The following SLC22A23 variants were observed in gnomAD, a reference collection of about 807,000 sequenced individuals.
SLC22A23 encodes ion transporter protein.
A neutral mutation model predicts 61.0 loss-of-function variants in SLC22A23; 26 were observed. The observed-to-expected ratio is 0.43, with a 90% confidence interval of 0.31 to 0.59. SLC22A23 has a LOEUF of 0.59. SLC22A23 is among the 20% of genes least tolerant of loss of function. The pLI is 0.11. For missense variants in SLC22A23, 796 were observed against 934.7 expected (o/e 0.85, Z 1.94); for synonymous variants, 430 against 413.9 (o/e 1.04, Z -0.47).
At chr6:3,280,551 A>G (rs1278141929) in intron 9 of SLC22A23, among the ~76,000 whole-genome samples, 1 of 132,348 alleles carries the variant, frequency 7.6e-6, no homozygotes, top group African/African-American at 3.0e-5. Flanking sequence ...GCTGGAGTGC[A>G]GTGGCGCGAT....
At chr6:3,275,007 C>T (rs932247557) in intron 9 of SLC22A23, among the ~76,000 whole-genome samples, 4 of 150,178 alleles carry the variant, frequency 2.7e-5, no homozygotes, top group African/African-American at 9.9e-5. Flanking sequence ...TATGGAAATG[C>T]AAAAGACTCA....
chr6:3,412,524 G>A (rs1561963234), intron 2 of SLC22A23, among the ~76,000 whole-genome samples: 1 of 152,152 alleles, frequency 6.6e-6, no homozygotes, highest in African/African-American at 2.4e-5. Flanking sequence ...TGGCTCCCAG[G>A]GCAGAACCCT....
At chr6:3,383,580 G>C (rs1240187144) in intron 3 of SLC22A23, among the ~76,000 whole-genome samples, 1 of 152,230 alleles carries the variant, frequency 6.6e-6, no homozygotes, top group African/African-American at 2.4e-5. Flanking sequence ...ACACGGAGGA[G>C]GGGCCTCTGA....
intron 3 of SLC22A23, among the ~76,000 whole-genome samples, chr6:3,404,274 C>T (rs907253947): frequency 6.6e-6 from 1 of 152,238 alleles, no homozygotes; most frequent in Non-Finnish European, 1.5e-5. Context: ...CCTATCTGTA[C>T]ATTTAGGCAA....
At chr6:3,385,801 C>T (rs1034046392) in intron 3 of SLC22A23, among the ~76,000 whole-genome samples, 3 of 152,198 alleles carry the variant, frequency 2.0e-5, no homozygotes, top group African/African-American at 7.2e-5. Context: ...ATATGAAAAA[C>T]AAAAACTCCC....
Position 3,270,432 on chromosome 6 carries a change from G to A in SLC22A23, c.*2623C>T, listed in dbSNP as rs1309024689. 1 of 152,404 alleles carries A rather than the reference G, an allele frequency of 6.6e-6. No individual in the cohort carries two copies. The highest frequency in any genetic ancestry group is 1.5e-5 in the Non-Finnish European group (1 of 68,078). The allele number at this position is 152,404 out of a possible 1,614,324, so 9.4% of individuals were successfully genotyped here. On this transcript the variant is annotated 3_prime_UTR_variant, in exon 10 of 10. Coordinates refer to ENST00000406686, the MANE Select transcript of SLC22A23 (RefSeq NM_015482.2). The stretch of plus-strand genomic sequence containing the variant: ...CCCACAGGGAAGTGTTGCTGCTCTG[G>A]CAACATTTCATAAAGGTGTTGCTCA...
At chr6:3,409,280 C>T (rs1315903034) in intron 3 of SLC22A23, among the ~76,000 whole-genome samples, 1 of 152,162 alleles carries the variant, frequency 6.6e-6, no homozygotes, top group Non-Finnish European at 1.5e-5. Context: ...TGTGTCTGCT[C>T]CTTCCTGTGA....
intron 5 of SLC22A23, among the ~76,000 whole-genome samples, chr6:3,296,437 G>T (rs998548286): frequency 2.6e-5 from 4 of 152,214 alleles, no homozygotes; most frequent in African/African-American, 9.7e-5. Context: ...GGCAAACGGG[G>T]CTAATTATAG....
At chr6:3,312,889 C>T (rs1039231343) in intron 4 of SLC22A23, 1 of 152,240 alleles carries the variant, frequency 6.6e-6, no homozygotes, top group Non-Finnish European at 1.5e-5. Flanking sequence ...TGCGCTCTGC[C>T]TGTTTGAAAG....
intron 4 of SLC22A23, among the ~76,000 whole-genome samples, chr6:3,303,647 G>C (rs189785294): frequency 6.6e-6 from 1 of 152,178 alleles, no homozygotes; most frequent in African/African-American, 2.4e-5. Context: ...CTCAAAAAAA[G>C]ATGATCTCAT....
chr6:3,398,340 A>G (rs1768147093), intron 3 of SLC22A23, among the ~76,000 whole-genome samples: 2 of 152,174 alleles, frequency 1.3e-5, no homozygotes, highest in South Asian at 4.1e-4. Flanking sequence ...ACTCACACAA[A>G]GCAAATAACA....
chr6:3,352,387 TCACA>T (rs1241799878), intron 3 of SLC22A23, among the ~76,000 whole-genome samples: 5 of 143,520 alleles, frequency 3.5e-5, no homozygotes, highest in African/African-American at 1.3e-4. Context: ...ACAGACACAC[TCACA>T]CACAGACACA....
rs185950974 is a variant in SLC22A23, at chr6:3,395,076, G to A, written c.913+15112C>T. On this transcript the variant is annotated intron_variant, in intron 3 of 9. Coordinates refer to ENST00000406686, the MANE Select transcript of SLC22A23 (RefSeq NM_015482.2). ...GGCTCCGGAAGTGGGCAGGAATATT[G>A]TAGCCATCTCTGGGTGTGTTCTTGG... Among the ~76,000 whole-genome samples, 3 of 152,342 alleles carry A rather than the reference G, an allele frequency of 2.0e-5. No homozygotes were observed. The East Asian group carries it at 5.8e-4, about 29-fold the overall frequency.
At chr6:3,276,109 T>TTGTG (rs112452724) in intron 9 of SLC22A23, among the ~76,000 whole-genome samples, 201 of 150,810 alleles carry the variant, frequency 1.3e-3, no homozygotes, top group Admixed American at 1.6e-3. Context: ...AGAATGGTGA[T>TTGTG]TGTGTGTGTG....
chr6:3,298,385 GTTTTC>G (rs892351062), intron 4 of SLC22A23, among the ~76,000 whole-genome samples, 167 bp from the exon 5 acceptor site: 2 of 152,090 alleles, frequency 1.3e-5, no homozygotes, highest in African/African-American at 4.8e-5. Flanking sequence ...AACGTTCCCA[GTTTTC>G]TTTTCCAAAG....
At chr6:3,443,882 G>A (rs563268424) in intron 1 of SLC22A23, among the ~76,000 whole-genome samples, 1 of 152,254 alleles carries the variant, frequency 6.6e-6, no homozygotes, top group Non-Finnish European at 1.5e-5. Flanking sequence ...AGTGGGAACC[G>A]AGCTCACTTC....
intron 3 of SLC22A23, among the ~76,000 whole-genome samples, chr6:3,402,143 T>G (rs550787721): frequency 6.6e-6 from 1 of 152,202 alleles, no homozygotes; most frequent in South Asian, 2.1e-4. Flanking sequence ...GCATCCTCAG[T>G]GTCTCTCCTG....
chr6:3,373,264 G>T (rs1025890162), intron 3 of SLC22A23, among the ~76,000 whole-genome samples: 2 of 152,230 alleles, frequency 1.3e-5, no homozygotes, highest in African/African-American at 2.4e-5. Flanking sequence ...AATCCCATGT[G>T]GGGGAAGTCA....
In SLC22A23 at chr6:3,298,141, G is replaced by A. The variant is rs776682312; in HGVS notation, c.1160C>T (p.Thr387Ile). The A allele has an allele frequency of 2.0e-5, 32 of 1,590,132 alleles. No homozygotes were observed. Among genetic ancestry groups the A allele is most frequent in the Non-Finnish European group, 2.6e-5 (31 of 1,170,906 alleles). ...CTCAGGGTTCATGCGATTCTTCTGT[G>A]TGAAGTGGAGGATCAGCCTCTTTGC... ...ESAKRLILHF[T>I]QKNRMNPEGD... The change falls in exon 5 of 10, where the codon ACA (threonine) becomes ATA (isoleucine). Residue 387 changes from threonine to isoleucine, a missense_variant. Physicochemically the swap from Thr to Ile is moderately conservative, Grantham distance 89. Transcript: ENST00000406686.
Sources: allele counts gnomAD v4.1 joint callset (sites outside exome capture counted in the v4.1 genomes callset), GRCh38; gene constraint gnomAD v4.1.1; transcripts MANE v1.5; gene names NCBI Gene and HGNC (gene_info 2026-07-23, HGNC 2026-07-21).